The following CHAF1A variants were observed in gnomAD, a reference collection of about 807,000 sequenced individuals.
The protein encoded by CHAF1A is CAF-1 subunit A.
A neutral mutation model predicts 93.2 loss-of-function variants in CHAF1A; 5 were observed. That is an observed-to-expected ratio of 0.05 (90% CI 0.03 to 0.11). The LOEUF (loss-of-function observed/expected upper bound fraction) is 0.11. Among genes scored for constraint, CHAF1A ranks in the 10% least tolerant of loss-of-function variants. The probability of loss-of-function intolerance (pLI) is 1.00; values close to 1 mark genes in which losing one functional copy is unlikely to be tolerated. For missense variants in CHAF1A, 1,102 were observed against 1,259.9 expected, an observed-to-expected ratio of 0.87 and a Z score of 1.90; for synonymous variants, 504 against 510.3, an observed-to-expected ratio of 0.99 and a Z score of 0.17.
At chr19:4,446,206 TG>T, downstream of CHAF1A, 1 of 1,596,334 alleles carries the variant, frequency 6.3e-7, no homozygotes. Flanking sequence ...GCCTGGGGAG[TG>T]GGGGAGTCAG....
chr19:4,447,515 C>T (rs760327455), downstream of CHAF1A: 18 of 1,611,728 alleles, frequency 1.1e-5, no homozygotes, highest in Non-Finnish European at 1.4e-5. Context: ...CCCCCACCCC[C>T]AGCCTGGGCC....
At chr19:4,447,335 G>A (rs1974555580), downstream of CHAF1A, 29 of 593,612 alleles carry the variant, frequency 4.9e-5, no homozygotes, top group South Asian at 5.3e-4. Flanking sequence ...GGTGAGGAGA[G>A]GCAGAATTTG....
chr19:4,448,622 C>T, downstream of CHAF1A: 3 of 590,152 alleles, frequency 5.1e-6, no homozygotes, highest in South Asian at 6.0e-5. Flanking sequence ...CAGCCAAGAC[C>T]CAGCAGAACT....
At chr19:4,432,896 C>A (rs1451337561) in intron 12 of CHAF1A, among the ~76,000 whole-genome samples, 174 bp from the exon 13 acceptor site, 1 of 152,132 alleles carries the variant, frequency 6.6e-6, no homozygotes, top group Non-Finnish European at 1.5e-5. Context: ...CACTTCTGGG[C>A]AGGTGCGTAG....
chr19:4,448,134 A>C (rs566745512), downstream of CHAF1A: 1 of 610,500 alleles, frequency 1.6e-6, no homozygotes, highest in African/African-American at 1.8e-5. Flanking sequence ...GGGTAAACTG[A>C]GGCCCAAGGA....
Position 4,409,090 on chromosome 19 carries a change from C to G in CHAF1A, c.291C>G (p.Pro97=). The change falls in exon 3 of 15, where the codon CCC becomes CCG. Residue 97 remains proline, a synonymous_variant. Transcript: ENST00000301280. ...CGAAACTTGTCAACGGGAAGGGTCC[C>G]TTAGATAACTTTTTAAGAAATAGAA... ...FRPKLVNGKG[P]LDNFLRNRIE... 1.2e-6 allele frequency: 2 copies of G among 1,614,158 alleles called. No homozygotes were observed. The highest frequency in any genetic ancestry group is 1.7e-6 in the Non-Finnish European group (2 of 1,180,036).
At chr19:4,403,328 C>A (rs975125217) in intron 1 of CHAF1A, among the ~76,000 whole-genome samples, 1 of 152,176 alleles carries the variant, frequency 6.6e-6, no homozygotes, top group Non-Finnish European at 1.5e-5. Flanking sequence ...CTTGCTCCTT[C>A]CTGATATGCA....
At chr19:4,421,138 C>T (rs1369259381) in intron 4 of CHAF1A, among the ~76,000 whole-genome samples, 1 of 152,172 alleles carries the variant, frequency 6.6e-6, no homozygotes, top group Admixed American at 6.5e-5. Context: ...GGCTGCAGTG[C>T]CGTGGCGTGA....
At chr19:4,430,476 C>CCT (rs777040765) in intron 10 of CHAF1A, 73 bp from the exon 11 acceptor site, 96 of 1,021,108 alleles carry the variant, frequency 9.4e-5, no homozygotes, top group Non-Finnish European at 1.5e-4. Context: ...CTGCGCCTGG[C>CCT]CTACTTTGTT....
chr19:4,410,408 A>T (rs1287232349), intron 3 of CHAF1A, among the ~76,000 whole-genome samples: 2 of 147,898 alleles, frequency 1.4e-5, no homozygotes, highest in Admixed American at 6.8e-5. Context: ...TTTTTGACAG[A>T]GTCACTCTAT....
At chr19:4,448,335 A>G (rs113855338), downstream of CHAF1A, 21 of 1,608,400 alleles carry the variant, frequency 1.3e-5, no homozygotes, top group East Asian at 4.7e-4. Flanking sequence ...TGGTGTCCAC[A>G]CCCAGCTTCA....
intron 12 of CHAF1A, among the ~76,000 whole-genome samples, chr19:4,432,769 A>AAC (rs1354212072): frequency 6.6e-6 from 1 of 151,480 alleles, no homozygotes; most frequent in Non-Finnish European, 1.5e-5. Context: ...AAAAAAAAAA[A>AAC]AAAACTCAAA....
At chr19:4,407,184 A>G (rs1347956118) in intron 2 of CHAF1A, among the ~76,000 whole-genome samples, 1 of 150,786 alleles carries the variant, frequency 6.6e-6, no homozygotes. Flanking sequence ...GCGCCACTGC[A>G]CTCCAGCCTG....
At chr19:4,434,327 CAG>C (rs1467810284) in intron 13 of CHAF1A, among the ~76,000 whole-genome samples, 1 of 152,184 alleles carries the variant, frequency 6.6e-6, no homozygotes, top group East Asian at 1.9e-4. Flanking sequence ...ACCTGGGCGA[CAG>C]AGCAAGACCC....
chr19:4,447,345 G>A, downstream of CHAF1A: 1 of 598,358 alleles, frequency 1.7e-6, no homozygotes, highest in Non-Finnish European at 3.0e-6. Context: ...GGCAGAATTT[G>A]TTGATTTGGG....
chr19:4,417,217 C>G (rs1181750390), intron 3 of CHAF1A, among the ~76,000 whole-genome samples: 1 of 151,872 alleles, frequency 6.6e-6, no homozygotes, highest in Non-Finnish European at 1.5e-5. Context: ...GTGATCCTCC[C>G]GCCTTGACCT....
chr19:4,430,515 A>C (rs748545722), intron 10 of CHAF1A, 34 bp from the exon 11 acceptor site: 1 of 1,444,948 alleles, frequency 6.9e-7, no homozygotes, highest in African/African-American at 1.4e-5. Context: ...CTGCTTTTCT[A>C]TCTGATGAAC....
In CHAF1A at chr19:4,426,824, C is replaced by T. The variant is rs562225367; in HGVS notation, c.1378-1840C>T. 2.7e-4 allele frequency among the ~76,000 whole-genome samples: 41 copies of T among 152,194 alleles called. No homozygotes were observed. The South Asian group carries it at 8.3e-3, about 31-fold the overall frequency. On this transcript the variant is annotated intron_variant, in intron 7 of 14. Coordinates refer to ENST00000301280, the MANE Select transcript of CHAF1A (RefSeq NM_005483.3). ...TTCTCCTTTTGGCCAGGTGCGGTGG[C>T]TTATGCCTGTAATCTCAGCATTTGG... is the stretch of plus-strand genomic sequence containing the variant.
intron 3 of CHAF1A, among the ~76,000 whole-genome samples, chr19:4,410,123 C>T (rs1294036863): frequency 1.3e-5 from 2 of 152,144 alleles, no homozygotes; most frequent in Non-Finnish European, 1.5e-5. Context: ...TCTCTGTGCC[C>T]TTCCTGTCTA....
Sources: gnomAD v4.1 joint callset for allele counts (sites outside exome capture counted in the v4.1 genomes callset) on GRCh38, gnomAD v4.1.1 for gene constraint, MANE v1.5 for transcripts, NCBI Gene and HGNC (gene_info 2026-07-23, HGNC 2026-07-21) for gene names.